The following PNPLA6 variants were observed in gnomAD, a reference collection of about 807,000 sequenced individuals.
PNPLA6 encodes patatin like domain 6, lysophospholipase.
Under a neutral mutation model 153.7 loss-of-function variants are expected in PNPLA6, and 105 were observed. The ratio of observed to expected loss-of-function variants is 0.68; its 90% confidence interval spans 0.58 to 0.80. The LOEUF (loss-of-function observed/expected upper bound fraction) is 0.80. Ranked by LOEUF, PNPLA6 falls within the 30% of genes least tolerant of loss-of-function variation. PNPLA6 has a pLI of 0.00. For synonymous variants in PNPLA6, 825 were observed against 822.2 expected (o/e 1.00, Z -0.06); for missense variants, 1,423 against 1,919.3 (o/e 0.74, Z 4.83).
In PNPLA6 at chr19:7,560,493, G is replaced by A. The variant is rs115227024; in HGVS notation, c.3700-155G>A. The A allele has an allele frequency of 1.3e-3, 909 of 698,888 alleles. 12 individuals carry two copies. In the African/African-American group the frequency reaches 0.014, roughly 11 times the overall value. 43.3% of individuals were successfully genotyped at this position (698,888 alleles called of 1,614,324 possible). A position where few individuals can be genotyped will look rare whatever the true frequency, so the allele number is the denominator to read the frequency against. Reference sequence around the variant, plus strand: ...AGGGCAGGACAGGGGATGTGTAGGCGAGTGTGCTATGTGCAGCTGACTCTG... The same window carrying A: ...AGGGCAGGACAGGGGATGTGTAGGCAAGTGTGCTATGTGCAGCTGACTCTG... On this transcript the variant is annotated intron_variant, in intron 28 of 31. Transcript: ENST00000600737.
chr19:7,542,371 G>A, intron 10 of PNPLA6, 190 bp from the exon 11 acceptor site: 1 of 634,542 alleles, frequency 1.6e-6, no homozygotes, highest in East Asian at 2.7e-5. Context: ...TTTGAGACCT[G>A]TCTCCCAGGC....
intron 10 of PNPLA6, 22 bp from the exon 11 acceptor site, chr19:7,542,538 GT>G (rs751700117): frequency 1.1e-5 from 17 of 1,569,384 alleles, no homozygotes; most frequent in Middle Eastern, 1.7e-4. Context: ...TATGGTTTTT[GT>G]TGCCCCCCTG....
chr19:7,541,156 G>T lies in PNPLA6; in HGVS notation c.924+105G>T. ...GGCCCAGCAGCCAGCAGGCGCTGGA[G>T]CTGTGGTTATCGGCCTGGAGCAGCC... On this transcript the variant is annotated intron_variant, in intron 7 of 31. Coordinates refer to ENST00000600737, the MANE Select transcript of PNPLA6 (RefSeq NM_001166114.2). The surrounding 1 kb of genome is among the most constrained non-coding windows in gnomAD (Gnocchi z 5.2). The T allele has an allele frequency of 7.2e-7, 1 of 1,383,764 alleles. No individual in the cohort carries two copies. The highest frequency in any genetic ancestry group is 1.0e-6 in the Non-Finnish European group (1 of 995,242). The allele number at this position is 1,383,764 out of a possible 1,614,324, so 85.7% of individuals were successfully genotyped here. A position where few individuals can be genotyped will look rare whatever the true frequency, so the allele number is the denominator to read the frequency against.
At chr19:7,551,200 G>C in intron 17 of PNPLA6, 93 bp downstream of exon 17, 1 of 984,188 alleles carries the variant, frequency 1.0e-6, no homozygotes, top group Non-Finnish European at 1.6e-6. Flanking sequence ...TTACAGAGGG[G>C]CGGGGTCGAG....
At position 7,561,502 on chromosome 19, in the gene PNPLA6, G is replaced by A. The variant is rs757676882; in HGVS notation, c.4038G>A (p.Ser1346=). 10 of 1,608,302 alleles carry A rather than the reference G, an allele frequency of 6.2e-6. No individual in the cohort carries two copies. The highest frequency in any genetic ancestry group is 5.1e-5 in the Admixed American group (3 of 59,386). Residue 1346 remains serine (S), a synonymous_variant, in exon 32 of 32, where the codon TCG becomes TCA. Transcript: ENST00000600737. ...TTCCCTCGCAGGAGGAGGAGAAGTC[G>A]ATTCTCCGGCAACGACGCTGTCTGC... ...STASEMEEEK[S]ILRQRRCLPQ... is the part of the protein sequence containing the mutation.
At chr19:7,536,832 C>CA (rs1376193703) in intron 3 of PNPLA6, among the ~76,000 whole-genome samples, 2 of 143,292 alleles carry the variant, frequency 1.4e-5, no homozygotes, top group Non-Finnish European at 3.0e-5. Flanking sequence ...AAGGGTGAGA[C>CA]AGGAGAATCA....
At chr19:7,534,185 C>G (rs920445986), upstream of PNPLA6, 5 of 357,930 alleles carry the variant, frequency 1.4e-5, no homozygotes, top group Non-Finnish European at 2.6e-5. Context: ...GCCTGCGGAG[C>G]CGGGCGGAAC....
intron 27 of PNPLA6, 100 bp downstream of exon 27, chr19:7,557,384 T>A: frequency 1.3e-6 from 1 of 762,676 alleles, no homozygotes. Context: ...ACGGGACACA[T>A]GCCCAAGCTG....
chr19:7,556,926 A>T (rs1174905602), intron 26 of PNPLA6: 29 of 684,046 alleles, frequency 4.2e-5, no homozygotes, highest in Admixed American at 1.8e-4. Context: ...GAGCAGGGAG[A>T]CTCGTCGGAC....
rs749270328 is a variant in PNPLA6, at chr19:7,561,668, G to A, written c.*106G>A. 8 of 800,738 alleles carry A rather than the reference G, an allele frequency of 1.0e-5. No homozygotes were observed. The highest frequency in any genetic ancestry group is 6.8e-5 in the African/African-American group (4 of 58,904). 49.6% of individuals were successfully genotyped at this position (800,738 alleles called of 1,614,324 possible). Reference sequence around the variant, plus strand: ...TCCTGCTGCTATGCCTGTGACCCCCGCGGCCCACACACTGGACTGACCTGC... The same window carrying A: ...TCCTGCTGCTATGCCTGTGACCCCCACGGCCCACACACTGGACTGACCTGC... On this transcript the variant is annotated 3_prime_UTR_variant, in exon 32 of 32. Coordinates refer to ENST00000600737, the MANE Select transcript of PNPLA6 (RefSeq NM_001166114.2).
chr19:7,550,519 A>G lies in PNPLA6; in HGVS notation c.1949A>G (p.Gln650Arg). ...AVEAGRALYR[Q>R]GDRSDCTYIV... Reference sequence around the variant, plus strand: ...TGCTGACCTCCACGCCCACTCAGGCAGGGCGACCGCTCCGACTGCACTTAC... The same window carrying G: ...TGCTGACCTCCACGCCCACTCAGGCGGGGCGACCGCTCCGACTGCACTTAC... The change falls in exon 16 of 32, where the codon CAG (glutamine) becomes CGG (arginine). Residue 650 changes from glutamine to arginine, a missense_variant and splice_region_variant. By Grantham distance (43) the Gln-to-Arg change is conservative. Around this residue, in one of 10 missense-constraint regions of PNPLA6, gnomAD observed 63 missense variants for 166.2 expected, o/e 0.38. Transcript: ENST00000600737. The G allele has an allele frequency of 6.2e-7, 1 of 1,613,096 alleles. No homozygotes were observed.
rs1319203305 is a variant in PNPLA6 at position 7,554,966 on chromosome 19, C to T, written c.2708C>T (p.Ala903Val). ...QLVLLHREEG[A>V]GPTRTVEWLN... Reference sequence around the variant, plus strand: ...GTCCTGCTCCACCGAGAGGAGGGCGCGGGCCCCACGCGCACCGTGGAGTGG... The same window carrying T: ...GTCCTGCTCCACCGAGAGGAGGGCGTGGGCCCCACGCGCACCGTGGAGTGG... Residue 903 changes from alanine (A) to valine (V), a missense_variant, in exon 22 of 32, where the codon GCG becomes GTG. By Grantham distance (64) the Ala-to-Val change is moderately conservative (BLOSUM62 0). Transcript: ENST00000600737. 1 of 1,590,586 alleles carries T rather than the reference C, an allele frequency of 6.3e-7. No individual in the cohort carries two copies. Among genetic ancestry groups the T allele is most frequent in the Non-Finnish European group, 8.5e-7 (1 of 1,175,618 alleles).
chr19:7,546,468 AAAAC>A (rs1347972958), intron 13 of PNPLA6, among the ~76,000 whole-genome samples: 1 of 152,160 alleles, frequency 6.6e-6, no homozygotes, highest in African/African-American at 2.4e-5. Context: ...GTCTCTACAA[AAAAC>A]AAACAAAAAA....
rs111341710 is a variant in PNPLA6 at position 7,560,938 on chromosome 19, A to G, written c.3817-76A>G. ...CCCTAGGATCTCCTCTGAGCCCCCA[A>G]TGCACCACTGGGCCCCCCAGGGGCC... On this transcript the variant is annotated intron_variant, in intron 29 of 31. Transcript: ENST00000600737. 2,969 of 906,626 alleles carry G rather than the reference A, an allele frequency of 3.3e-3. 54 individuals carry two copies. In the African/African-American group the frequency reaches 0.039, roughly 12 times the overall value. 56.2% of individuals were successfully genotyped at this position (906,626 alleles called of 1,614,324 possible).
At chr19:7,559,248 G>A in intron 28 of PNPLA6, 97 bp downstream of exon 28, 2 of 974,970 alleles carry the variant, frequency 2.1e-6, no homozygotes, top group Non-Finnish European at 3.3e-6. Context: ...AATCCAGGAG[G>A]AATCCAGGAA....
chr19:7,555,498 A>G lies in PNPLA6; in HGVS notation c.2937-109A>G. 1.4e-6 allele frequency: 2 copies of G among 1,381,276 alleles called. No individual in the cohort carries two copies. Among genetic ancestry groups the G allele is most frequent in the South Asian group, 1.3e-5 (1 of 77,688 alleles). The allele number at this position is 1,381,276 out of a possible 1,614,324, so 85.6% of individuals were successfully genotyped here. A position where few individuals can be genotyped will look rare whatever the true frequency, so the allele number is the denominator to read the frequency against. The stretch of plus-strand genomic sequence containing the variant: ...CCCCTCCGGGAGAGACCCCGTGGGT[A>G]GGGGCGGGTCCTTTGTTCCTTAGCA... On this transcript the variant is annotated intron_variant, in intron 23 of 31. Transcript: ENST00000600737. The surrounding 1 kb of genome is among the most constrained non-coding windows in gnomAD (Gnocchi z 6.3).
Position 7,541,474 on chromosome 19 carries a change from G to A in PNPLA6, c.1005+40G>A, listed in dbSNP as rs1471697654. 4.3e-6 allele frequency: 7 copies of A among 1,612,066 alleles called. No individual in the cohort carries two copies. The highest frequency in any genetic ancestry group is 5.9e-6 in the Non-Finnish European group (7 of 1,178,856). ...GGGAGCGAGCACAGGGGGGATGGGG[G>A]CGAGGTCTCCCTCCCAGGACAGGCC... On this transcript the variant is annotated intron_variant, in intron 8 of 31. Coordinates refer to ENST00000600737, the MANE Select transcript of PNPLA6 (RefSeq NM_001166114.2). The surrounding 1 kb of genome is among the most constrained non-coding windows in gnomAD (Gnocchi z 5.2).
chr19:7,544,109 G>A (rs924840796), intron 13 of PNPLA6, among the ~76,000 whole-genome samples: 24 of 147,004 alleles, frequency 1.6e-4, no homozygotes, highest in African/African-American at 5.0e-4. Context: ...CACTGCGCCC[G>A]GCCTTTTTTT....
At chr19:7,551,565 G>T (rs2303177) in intron 18 of PNPLA6, 128 bp downstream of exon 18, 2 of 819,606 alleles carry the variant, frequency 2.4e-6, no homozygotes, top group Admixed American at 2.0e-5. Context: ...TGCCCCTGAG[G>T]GTTTCAAACC....
Sources: allele counts gnomAD v4.1 joint callset (sites outside exome capture counted in the v4.1 genomes callset), GRCh38; gene constraint gnomAD v4.1.1; regional missense constraint gnomAD v4.1.1; non-coding constraint Gnocchi (gnomAD v3.1); transcripts MANE v1.5; gene names NCBI Gene and HGNC (gene_info 2026-07-23, HGNC 2026-07-21).